Variants in WWOX observed in about 807,000 individuals in gnomAD.
WWOX encodes the protein WW domain containing oxidoreductase, also known as WW domain-containing oxidoreductase.
In WWOX, 69 loss-of-function variants were observed where a neutral mutation model predicts 46.2. The observed-to-expected ratio is 1.49, with a 90% CI of 1.23 to 1.82. WWOX has a LOEUF of 1.82. WWOX is among the 40% of genes most tolerant of loss of function. The probability of loss-of-function intolerance (pLI) is 0.00; values close to 1 mark genes in which losing one functional copy is unlikely to be tolerated. For missense variants in WWOX, 919 were observed against 542.6 expected (o/e 1.69, Z -6.89); for synonymous variants, 359 against 202.6 (o/e 1.77, Z -6.56).
intron 8 of WWOX, among the ~76,000 whole-genome samples, chr16:79,080,751 G>C (rs1286324747): frequency 6.6e-6 from 1 of 152,290 alleles, no homozygotes; most frequent in East Asian, 1.9e-4. Context: ...AGGATCGCTT[G>C]AAGCCAGGAG....
chr16:78,429,394 T>A (rs904315729), intron 7 of WWOX, among the ~76,000 whole-genome samples: 1 of 152,150 alleles, frequency 6.6e-6, no homozygotes, highest in African/African-American at 2.4e-5. Context: ...TTTCATTCTC[T>A]CCCTGACTTC....
chr16:78,915,481 G>A (rs375410059), intron 8 of WWOX, among the ~76,000 whole-genome samples: 112 of 152,236 alleles, frequency 7.4e-4, no homozygotes, highest in East Asian at 1.4e-3. Context: ...CTCTAATGAC[G>A]CTGGCCAATG....
At chr16:78,725,564 C>G (rs987319157) in intron 8 of WWOX, among the ~76,000 whole-genome samples, 1 of 151,710 alleles carries the variant, frequency 6.6e-6, no homozygotes, top group African/African-American at 2.4e-5. Flanking sequence ...TCACGGTGGT[C>G]TCAAAATCCT....
chr16:78,610,999 C>A (rs1005851312), intron 8 of WWOX, among the ~76,000 whole-genome samples: 6 of 152,160 alleles, frequency 3.9e-5, no homozygotes, highest in South Asian at 4.2e-4. Flanking sequence ...CAACAAAAAA[C>A]CAAGTAGGAA....
chr16:79,033,373 C>G (rs568067956), intron 8 of WWOX, among the ~76,000 whole-genome samples: 1 of 148,608 alleles, frequency 6.7e-6, no homozygotes, highest in East Asian at 2.0e-4. Context: ...ATATAATAGA[C>G]TCTATAATAT....
intron 5 of WWOX, among the ~76,000 whole-genome samples, chr16:78,321,024 A>G (rs550117838): frequency 1.3e-5 from 2 of 152,260 alleles, no homozygotes; most frequent in African/African-American, 2.4e-5. Context: ...ACCTTAACCA[A>G]TAGCCTCACA....
chr16:78,467,737 T>G (rs1227736219), intron 8 of WWOX, among the ~76,000 whole-genome samples: 1 of 152,238 alleles, frequency 6.6e-6, no homozygotes, highest in Non-Finnish European at 1.5e-5. Context: ...GGACTGAAAT[T>G]AGTGCTGATA....
chr16:78,621,575 C>A (rs550193063), intron 8 of WWOX, among the ~76,000 whole-genome samples: 41 of 114,218 alleles, frequency 3.6e-4, no homozygotes, highest in African/African-American at 1.3e-3. Flanking sequence ...GCACCTTTAA[C>A]CTTGTGTTGT....
intron 8 of WWOX, among the ~76,000 whole-genome samples, chr16:78,980,370 C>T (rs778655573): frequency 6.6e-6 from 1 of 152,070 alleles, no homozygotes; most frequent in Non-Finnish European, 1.5e-5. Flanking sequence ...AATTTTATTC[C>T]AACAATGTCC....
chr16:78,956,616 G>GTCATATCATA (rs138587691), intron 8 of WWOX, among the ~76,000 whole-genome samples: 455 of 151,558 alleles, frequency 3.0e-3, no homozygotes, highest in Admixed American at 4.3e-3. Flanking sequence ...ATCATATCAT[G>GTCATATCATA]TCATATCATA....
At chr16:78,415,762 C>G (rs1173331575) in intron 6 of WWOX, among the ~76,000 whole-genome samples, 1 of 152,164 alleles carries the variant, frequency 6.6e-6, no homozygotes, top group African/African-American at 2.4e-5. Flanking sequence ...TGCCAGAAAG[C>G]CTGGCTCTGT....
At chr16:79,133,686 A>G (rs943028676) in intron 8 of WWOX, among the ~76,000 whole-genome samples, 2 of 152,160 alleles carry the variant, frequency 1.3e-5, no homozygotes, top group African/African-American at 4.8e-5. Flanking sequence ...GGGGAGTTGT[A>G]TATTGTATCA....
intron 8 of WWOX, among the ~76,000 whole-genome samples, chr16:79,098,312 G>T (rs139404400): frequency 7.9e-5 from 12 of 152,322 alleles, no homozygotes; most frequent in African/African-American, 2.9e-4. Flanking sequence ...CAGTGTCTGA[G>T]ACAGACAGTG....
chr16:78,784,833 A>T (rs1284697593), intron 8 of WWOX, among the ~76,000 whole-genome samples: 2 of 152,092 alleles, frequency 1.3e-5, no homozygotes, highest in Non-Finnish European at 2.9e-5. Context: ...TCCCCAAGGG[A>T]TACTCATGGT....
At chr16:78,877,658 C>T (rs879684195) in intron 8 of WWOX, among the ~76,000 whole-genome samples, 7 of 152,100 alleles carry the variant, frequency 4.6e-5, no homozygotes, top group African/African-American at 7.2e-5. Flanking sequence ...TGTGTTTATT[C>T]TCCTATTCTC....
intron 8 of WWOX, among the ~76,000 whole-genome samples, chr16:78,973,116 A>G (rs951252015): frequency 6.6e-6 from 1 of 152,160 alleles, no homozygotes. Flanking sequence ...AAATCCTCTC[A>G]TTCCCTTCCC....
At chr16:78,726,736 T>C (rs550358046) in intron 8 of WWOX, among the ~76,000 whole-genome samples, 262 of 144,620 alleles carry the variant, frequency 1.8e-3, no homozygotes, top group South Asian at 9.9e-3. Flanking sequence ...TTTTTTTTTT[T>C]GCCAGGGGAT....
At chr16:78,558,294 G>A (rs928492647) in intron 8 of WWOX, among the ~76,000 whole-genome samples, 6 of 152,218 alleles carry the variant, frequency 3.9e-5, no homozygotes, top group Non-Finnish European at 8.8e-5. Context: ...CCTAGAAGCT[G>A]CAAATTGCTG....
At chr16:78,937,905 G>A (rs1192660916) in intron 8 of WWOX, among the ~76,000 whole-genome samples, 4 of 152,184 alleles carry the variant, frequency 2.6e-5, no homozygotes, top group Non-Finnish European at 4.4e-5. Flanking sequence ...TGGGATTACA[G>A]GTGTGTGCCA....
Sources: gnomAD v4.1 joint callset for allele counts (sites outside exome capture counted in the v4.1 genomes callset) on GRCh38, gnomAD v4.1.1 for gene constraint, MANE v1.5 for transcripts, NCBI Gene and HGNC (gene_info 2026-07-23, HGNC 2026-07-21) for gene names.